The following TSGA13 variants were observed in gnomAD, a reference collection of about 807,000 sequenced individuals.
TSGA13 encodes the protein testis specific 13.
TSGA13 carries 37 observed loss-of-function variants against 35.1 expected under a neutral mutation model. The ratio of observed to expected loss-of-function variants is 1.05; its 90% CI spans 0.81 to 1.39. The LOEUF (loss-of-function observed/expected upper bound fraction) is 1.39. TSGA13 is among the 40% of genes most tolerant of loss of function. The pLI, the probability that TSGA13 is intolerant of heterozygous loss-of-function variation, is 0.00. For synonymous variants in TSGA13, 124 were observed against 121.2 expected, an observed-to-expected ratio of 1.02 and a Z score of -0.15; for missense variants, 338 against 328.5, an observed-to-expected ratio of 1.03 and a Z score of -0.22.
upstream of TSGA13, chr7:130,686,548 A>G (rs1234093700): frequency 1.3e-5 from 2 of 151,970 alleles, no homozygotes; most frequent in East Asian, 3.9e-4. Context: ...TGGATTCTGG[A>G]GGAGACAGAG....
intron 4 of TSGA13, among the ~76,000 whole-genome samples, chr7:130,680,710 A>T (rs1327907006): frequency 6.6e-6 from 1 of 152,112 alleles, no homozygotes; most frequent in Admixed American, 6.5e-5. Flanking sequence ...ACTTAAAAAA[A>T]ATCAGCTGTG....
At chr7:130,687,373 G>C (rs996104537), upstream of TSGA13, 2 of 152,164 alleles carry the variant, frequency 1.3e-5, no homozygotes, top group Admixed American at 6.5e-5. Flanking sequence ...CTTAAAAGTG[G>C]AAATGTAAAT....
chr7:130,668,799 C>A lies in TSGA13; in HGVS notation c.*215G>T. 1 of 1,284,798 alleles carries A rather than the reference C, an allele frequency of 7.8e-7. No individual in the cohort carries two copies. The highest frequency in any genetic ancestry group is 1.0e-6 in the Non-Finnish European group (1 of 964,386). The allele number at this position is 1,284,798 out of a possible 1,614,324, so 79.6% of individuals were successfully genotyped here. A position where few individuals can be genotyped will look rare whatever the true frequency, so the allele number is the denominator to read the frequency against. ...TGGGCCGCCGCGCCTTCACTCGGGG[C>A]CAAGGCCCGCCCTCCCCGGCCGCCC... On this transcript the variant is annotated 3_prime_UTR_variant, in exon 8 of 8. Coordinates refer to ENST00000356588, the MANE Select transcript of TSGA13 (RefSeq NM_052933.4).
At chr7:130,670,136 A>G (rs1036515452) in intron 7 of TSGA13, among the ~76,000 whole-genome samples, 1 of 152,184 alleles carries the variant, frequency 6.6e-6, no homozygotes, top group Non-Finnish European at 1.5e-5. Context: ...TATATCTATG[A>G]AGTTTTGTTT....
At chr7:130,674,545 T>C (rs188147933) in intron 5 of TSGA13, among the ~76,000 whole-genome samples, 4 of 152,296 alleles carry the variant, frequency 2.6e-5, no homozygotes, top group African/African-American at 9.6e-5. Context: ...TGCTTTGTCA[T>C]GGCATTTATC....
Position 130,675,250 on chromosome 7 carries a change from T to G in TSGA13, c.388-2374A>C, listed in dbSNP as rs902676657. ...GTATATATATATATATGTATATATA[T>G]ATGGGTTTTTTTCTACCTATAGCTT... On this transcript the variant is annotated intron_variant, in intron 5 of 7. Transcript: ENST00000356588. Among the ~76,000 whole-genome samples the G allele has an allele frequency of 3.9e-5, 6 of 151,900 alleles. No individual in the cohort carries two copies. The South Asian group carries it at 1.2e-3, about 31-fold the overall frequency.
intron 7 of TSGA13, among the ~76,000 whole-genome samples, chr7:130,670,578 A>T (rs1012567512): frequency 1.4e-4 from 22 of 152,120 alleles, no homozygotes; most frequent in African/African-American, 4.6e-4. Flanking sequence ...CCTTTATTTA[A>T]ATAATATTTA....
intron 7 of TSGA13, among the ~76,000 whole-genome samples, chr7:130,670,049 C>G (rs1213069268): frequency 6.6e-6 from 1 of 152,224 alleles, no homozygotes; most frequent in East Asian, 1.9e-4. Flanking sequence ...GACCTGAGTT[C>G]AGATTTGGGG....
intron 4 of TSGA13, 60 bp downstream of exon 4, chr7:130,680,886 A>AC (rs1796530016): frequency 6.8e-7 from 1 of 1,480,602 alleles, no homozygotes. Flanking sequence ...CGCAGTGGGC[A>AC]TCTGCACCAC....
chr7:130,670,777 C>T (rs546044119), intron 7 of TSGA13, among the ~76,000 whole-genome samples: 15 of 152,172 alleles, frequency 9.9e-5, no homozygotes, highest in Admixed American at 9.8e-4. Flanking sequence ...CATGCCGCCA[C>T]ACCCTGTTAA....
At chr7:130,676,949 G>A (rs879955727) in intron 5 of TSGA13, among the ~76,000 whole-genome samples, 1 of 151,352 alleles carries the variant, frequency 6.6e-6, no homozygotes, top group Non-Finnish European at 1.5e-5. Context: ...CTGGAGTGCA[G>A]TGGTGCGATC....
rs1048820898 is a variant in TSGA13 at position 130,668,712 on chromosome 7, G to A, written c.*302C>T. 1 of 1,511,538 alleles carries A rather than the reference G, an allele frequency of 6.6e-7. No individual in the cohort carries two copies. The highest frequency in any genetic ancestry group is 8.9e-7 in the Non-Finnish European group (1 of 1,129,810). The allele number at this position is 1,511,538 out of a possible 1,614,324, so 93.6% of individuals were successfully genotyped here. ...GCCCAGACCCACCGCAACCGTCCCA[G>A]GCGCCGCAGCCGGCGAGCGGAAGAG... On this transcript the variant is annotated 3_prime_UTR_variant, in exon 8 of 8. Coordinates refer to ENST00000356588, the MANE Select transcript of TSGA13 (RefSeq NM_052933.4).
At chr7:130,672,996 A>G in intron 5 of TSGA13, 120 bp from the exon 6 acceptor site, 1 of 1,171,652 alleles carries the variant, frequency 8.5e-7, no homozygotes. Context: ...AAAACCTGTC[A>G]GAGGGGGAAG....
intron 3 of TSGA13, among the ~76,000 whole-genome samples, chr7:130,682,959 T>C (rs1554465319): frequency 2.0e-5 from 3 of 152,190 alleles, no homozygotes; most frequent in Non-Finnish European, 4.4e-5. Flanking sequence ...AACTATGAAA[T>C]GTATGACATA....
intron 6 of TSGA13, among the ~76,000 whole-genome samples, chr7:130,672,464 A>T (rs1432982589): frequency 7.0e-6 from 1 of 143,318 alleles, no homozygotes; most frequent in Non-Finnish European, 1.6e-5. Flanking sequence ...TATTGAGGGT[A>T]CTTTTTTTTT....
At chr7:130,680,729 C>T (rs1796525009) in intron 4 of TSGA13, among the ~76,000 whole-genome samples, 1 of 152,122 alleles carries the variant, frequency 6.6e-6, no homozygotes, top group Non-Finnish European at 1.5e-5. Flanking sequence ...TGGGGACCCA[C>T]TTTCTTCCCA....
chr7:130,682,842 A>G (rs782669647), intron 3 of TSGA13, among the ~76,000 whole-genome samples: 3 of 152,178 alleles, frequency 2.0e-5, no homozygotes, highest in Non-Finnish European at 2.9e-5. Context: ...GGGATGAACT[A>G]TGAGATGGTG....
chr7:130,680,549 T>A (rs1487609364), intron 4 of TSGA13, among the ~76,000 whole-genome samples: 3 of 150,076 alleles, frequency 2.0e-5, no homozygotes, highest in African/African-American at 7.3e-5. Context: ...AAAGATAGCA[T>A]GTCACTTAAG....
At chr7:130,685,389 G>A in intron 1 of TSGA13, 29 bp from the exon 2 acceptor site, 2 of 1,387,722 alleles carry the variant, frequency 1.4e-6, no homozygotes, top group Admixed American at 2.6e-5. Context: ...AAGACTGATA[G>A]GTGCTATTGT....
Sources: allele counts gnomAD v4.1 joint callset (sites outside exome capture counted in the v4.1 genomes callset), GRCh38; gene constraint gnomAD v4.1.1; transcripts MANE v1.5; gene names NCBI Gene and HGNC (gene_info 2026-07-23, HGNC 2026-07-21).